APC: variants seen among roughly 807,000 people sequenced by gnomAD.
APC encodes the protein APC regulator of Wnt signaling pathway, also known as adenomatous polyposis coli protein.
Under a neutral mutation model 247.0 loss-of-function variants are expected in APC, and 72 were observed. That is an observed-to-expected ratio of 0.29 (90% confidence interval 0.24 to 0.35). The LOEUF is 0.35. Ranked by LOEUF, APC falls within the 10% of genes least tolerant of loss-of-function variation. The probability of loss-of-function intolerance (pLI) is 1.00; values close to 1 mark genes in which losing one functional copy is unlikely to be tolerated. For missense variants in APC, 3,400 were observed against 3,360.7 expected (o/e 1.01, Z -0.29); for synonymous variants, 1,254 against 1,162.5 (o/e 1.08, Z -1.60).
At chr5:112,823,568 G>A (rs1352040632) in intron 11 of APC, among the ~76,000 whole-genome samples, 2 of 152,278 alleles carry the variant, frequency 1.3e-5, no homozygotes, top group East Asian at 3.9e-4. Flanking sequence ...AGGTAAAGGG[G>A]AATTCCTTAG....
chr5:112,795,087 C>A (rs910676080), intron 7 of APC, among the ~76,000 whole-genome samples: 4 of 152,070 alleles, frequency 2.6e-5, no homozygotes, highest in African/African-American at 7.2e-5. Flanking sequence ...AGTGCAGTGG[C>A]GTGATCTTGG....
At chr5:112,834,316 A>G (rs1764634116) in intron 14 of APC, among the ~76,000 whole-genome samples, 1 of 141,720 alleles carries the variant, frequency 7.1e-6, no homozygotes, top group South Asian at 2.2e-4. Context: ...GTCTCGGCTC[A>G]CTGCGACCTC....
At chr5:112,751,975 A>C (rs1446033977) in intron 1 of APC, among the ~76,000 whole-genome samples, 2 of 152,078 alleles carry the variant, frequency 1.3e-5, no homozygotes, top group Non-Finnish European at 2.9e-5. Context: ...CTTTGGCATG[A>C]ACATATGATT....
At chr5:112,825,126 A>G (rs534783151) in intron 11 of APC, among the ~76,000 whole-genome samples, 2 of 152,222 alleles carry the variant, frequency 1.3e-5, no homozygotes, top group South Asian at 2.1e-4. Context: ...CAGTTGCTCA[A>G]ATTTCAAAAT....
At chr5:112,746,015 C>A (rs890400412) in intron 1 of APC, among the ~76,000 whole-genome samples, 2 of 151,934 alleles carry the variant, frequency 1.3e-5, no homozygotes, top group African/African-American at 2.4e-5. Flanking sequence ...ATAAATGAAA[C>A]CCTAAAAAGT....
Position 112,843,317 on chromosome 5 carries a change from T to C in APC, c.7723T>C (p.Ser2575Pro), listed in dbSNP as rs1766547470. The change falls in exon 16 of 16, where the codon TCT (serine) becomes CCT (proline). Residue 2575 changes from serine (S) to proline (P), a missense_variant. Around this residue, in one of 9 missense-constraint regions of APC, gnomAD observed 1,788 missense variants for 1,649.5 expected, o/e 1.08. Transcript: ENST00000257430. This position sits in a 1 kb window ranked among gnomAD's most constrained non-coding sequence, Gnocchi z 4.8. ...RRTGSSSSIL[S>P]ASSESSEKAK... ...AACTGGAAGTTCATCTTCAATTCTTTCTGCTTCATCAGAATCCAGTGAAAA... is the reference window on the plus strand; with the variant it reads ...AACTGGAAGTTCATCTTCAATTCTTCCTGCTTCATCAGAATCCAGTGAAAA... The C allele has an allele frequency of 6.2e-7, 1 of 1,613,772 alleles. No homozygotes were observed. The highest frequency in any genetic ancestry group is 2.2e-5 in the East Asian group (1 of 44,884).
Position 112,837,922 on chromosome 5 carries a change from A to C in APC, c.2328A>C (p.Ile776=). 1 of 1,614,146 alleles carries C rather than the reference A, an allele frequency of 6.2e-7. No homozygotes were observed. Residue 776 remains isoleucine (I), a synonymous_variant, in exon 16 of 16, where the codon ATA becomes ATC. Coordinates refer to ENST00000257430, the MANE Select transcript of APC (RefSeq NM_000038.6). Reference sequence around the variant, plus strand: ...ACTTATCAGAAACTTTTGACAATATAGACAATTTAAGTCCCAAGGCATCTC... The same window carrying C: ...ACTTATCAGAAACTTTTGACAATATCGACAATTTAAGTCCCAAGGCATCTC... The part of the protein sequence containing the change: ...AQHLSETFDN[I]DNLSPKASHR...
Position 112,840,642 on chromosome 5 carries a change from A to G in APC, c.5048A>G (p.Glu1683Gly), listed in dbSNP as rs1240605386. The change falls in exon 16 of 16, where the codon GAA becomes GGA. Residue 1683 changes from glutamate (E) to glycine (G), a missense_variant. Coordinates refer to ENST00000257430, the MANE Select transcript of APC (RefSeq NM_000038.6). This position sits in a 1 kb window ranked among gnomAD's most constrained non-coding sequence, Gnocchi z 4.1. ...EGVRGGAQSG[E>G]FEKRDTIPTE... ...GTTAGAGGAGGGGCACAGTCAGGTG[A>G]ATTTGAAAAACGAGATACCATTCCT... 1 of 1,614,024 alleles carries G rather than the reference A, an allele frequency of 6.2e-7. No homozygotes were observed. Among genetic ancestry groups the G allele is most frequent in the Admixed American group, 1.7e-5 (1 of 60,012 alleles).
At position 112,755,038 on chromosome 5, in the gene APC, T is replaced by C; in HGVS notation, c.135+13T>C. On this transcript the variant is annotated intron_variant, in intron 2 of 15. Transcript: ENST00000257430. ...ATCTAATATGAAGGTATCAAGACTG[T>C]GACTTTTAATTGTAGTTTATCCATT... The C allele has an allele frequency of 6.2e-7, 1 of 1,613,174 alleles. No individual in the cohort carries two copies. Among genetic ancestry groups the C allele is most frequent in the South Asian group, 1.1e-5 (1 of 90,998 alleles).
chr5:112,769,050 CTTT>C (rs11379766), intron 4 of APC, among the ~76,000 whole-genome samples: 3 of 96,812 alleles, frequency 3.1e-5, no homozygotes, highest in South Asian at 3.7e-4. Context: ...TTTTTTTCTT[CTTT>C]TTTTTTTTTT....
chr5:112,790,491 T>C (rs1759456317), intron 6 of APC, among the ~76,000 whole-genome samples: 1 of 152,010 alleles, frequency 6.6e-6, no homozygotes, highest in Non-Finnish European at 1.5e-5. Context: ...CATGCCTGGC[T>C]AATTTCTTTT....
chr5:112,803,524 A>T (rs1478716480), intron 8 of APC, among the ~76,000 whole-genome samples: 1 of 152,198 alleles, frequency 6.6e-6, no homozygotes, highest in Non-Finnish European at 1.5e-5. Context: ...TTAGTAAAAT[A>T]AGATGATGAT....
At chr5:112,768,325 A>G (rs1756598506) in intron 4 of APC, among the ~76,000 whole-genome samples, 1 of 151,196 alleles carries the variant, frequency 6.6e-6, no homozygotes, top group African/African-American at 2.4e-5. Context: ...GATTACAGGC[A>G]TGAGGCACTA....
chr5:112,813,162 A>T (rs1762152654), intron 8 of APC, among the ~76,000 whole-genome samples: 1 of 152,216 alleles, frequency 6.6e-6, no homozygotes, highest in Non-Finnish European at 1.5e-5. Context: ...AGGATTTTTT[A>T]AAGATCACTT....
At chr5:112,733,352 C>T (rs975780232), upstream of APC, among the ~76,000 whole-genome samples, 2 of 152,088 alleles carry the variant, frequency 1.3e-5, no homozygotes, top group African/African-American at 4.8e-5. Context: ...GGAAGATCAT[C>T]CTGGATTATT....
intron 1 of APC, among the ~76,000 whole-genome samples, chr5:112,746,675 G>A (rs1753721090): frequency 6.6e-6 from 1 of 152,080 alleles, no homozygotes; most frequent in South Asian, 2.1e-4. Context: ...AAAGGAAAAT[G>A]CCTAAACATG....
intron 1 of APC, among the ~76,000 whole-genome samples, chr5:112,726,919 A>G (rs958332367): frequency 2.6e-5 from 4 of 152,008 alleles, no homozygotes; most frequent in Admixed American, 6.6e-5. Context: ...GATTGTCCTG[A>G]TTTTCTTTTC....
At chr5:112,731,749 T>C (rs1752109818) in intron 1 of APC, among the ~76,000 whole-genome samples, 1 of 152,196 alleles carries the variant, frequency 6.6e-6, no homozygotes, top group Non-Finnish European at 1.5e-5. Flanking sequence ...AACATTCTTC[T>C]GGGTTTTTTT....
At chr5:112,835,855 G>C (rs1348059195) in intron 15 of APC, among the ~76,000 whole-genome samples, 1 of 151,748 alleles carries the variant, frequency 6.6e-6, no homozygotes, top group African/African-American at 2.4e-5. Flanking sequence ...TTACAGGTGT[G>C]AGCCACCGCG....
Sources: gnomAD v4.1 joint callset for allele counts (sites outside exome capture counted in the v4.1 genomes callset) on GRCh38, gnomAD v4.1.1 for gene constraint, gnomAD v4.1.1 regional missense constraint, Gnocchi (gnomAD v3.1) non-coding constraint, MANE v1.5 for transcripts, NCBI Gene and HGNC (gene_info 2026-07-23, HGNC 2026-07-21) for gene names.